NOS1AP: variants seen among roughly 807,000 people sequenced by gnomAD.
NOS1AP encodes the protein carboxyl-terminal PDZ ligand of neuronal nitric oxide synthase protein.
NOS1AP carries 21 observed loss-of-function variants against 56.2 expected under a neutral mutation model. The observed-to-expected ratio is 0.37, with a 90% CI of 0.26 to 0.54. NOS1AP has a LOEUF of 0.54. Among genes scored for constraint, NOS1AP ranks in the 20% least tolerant of loss-of-function variants. NOS1AP has a pLI of 0.84. For missense variants in NOS1AP, 522 were observed against 657.8 expected (o/e 0.79, Z 2.26); for synonymous variants, 270 against 274.6 (o/e 0.98, Z 0.17).
chr1:162,346,535 A>G lies in NOS1AP; in HGVS notation c.595+2559A>G, dbSNP rs538572703. ...TGTGTGTATATGTAGGTATATATGTATACACATGCATGCACACACACACAT... is the reference window on the plus strand; with the variant it reads ...TGTGTGTATATGTAGGTATATATGTGTACACATGCATGCACACACACACAT... On this transcript the variant is annotated intron_variant, in intron 6 of 9. Transcript: ENST00000361897. Among the ~76,000 whole-genome samples the G allele has an allele frequency of 2.0e-4, 30 of 152,356 alleles. No individual in the cohort carries two copies. The South Asian group carries it at 6.2e-3, about 32-fold the overall frequency.
At chr1:162,360,854 T>C (rs1234240049) in intron 8 of NOS1AP, 4 of 456,574 alleles carry the variant, frequency 8.8e-6, no homozygotes, top group African/African-American at 8.0e-5. Context: ...CACTGCCATT[T>C]CCATGTGCCT....
intron 2 of NOS1AP, among the ~76,000 whole-genome samples, chr1:162,247,656 G>A (rs754202813): frequency 5.3e-5 from 8 of 152,030 alleles, no homozygotes; most frequent in Non-Finnish European, 7.4e-5. Flanking sequence ...CATGTATCAG[G>A]CTTGAAAACT....
At chr1:162,264,474 C>CTCTCCTCTCCTCT (rs1557855390) in intron 2 of NOS1AP, among the ~76,000 whole-genome samples, 42 of 3,670 alleles carry the variant, frequency 0.011, no homozygotes, top group South Asian at 0.015. Context: ...TCCTCCCCTC[C>CTCTCCTCTCCTCT]CCTCCCCTCC....
At chr1:162,317,501 G>A (rs565419172) in intron 4 of NOS1AP, among the ~76,000 whole-genome samples, 2 of 152,094 alleles carry the variant, frequency 1.3e-5, no homozygotes, top group Non-Finnish European at 2.9e-5. Flanking sequence ...AAACCCCAAG[G>A]AAACAATTTA....
intron 9 of NOS1AP, among the ~76,000 whole-genome samples, chr1:162,365,876 C>G (rs1238696912): frequency 6.6e-6 from 1 of 152,108 alleles, no homozygotes; most frequent in African/African-American, 2.4e-5. Flanking sequence ...TCTAGGGCAG[C>G]CCATTTCTTT....
rs140766238 is a variant in NOS1AP, at chr1:162,332,032, G to A, written c.345-985G>A. ...TCATCTCACGTAGAATATAAGCCAC[G>A]ACCTTCAAAGCCTTCTACATTTTGG... On this transcript the variant is annotated intron_variant, in intron 4 of 9. Transcript: ENST00000361897. Among the ~76,000 whole-genome samples the A allele has an allele frequency of 1.2e-4, 18 of 152,306 alleles. No homozygotes were observed. The East Asian group carries it at 3.1e-3, about 26-fold the overall frequency.
At chr1:162,216,166 C>T (rs1652562309) in intron 2 of NOS1AP, among the ~76,000 whole-genome samples, 1 of 152,238 alleles carries the variant, frequency 6.6e-6, no homozygotes, top group Non-Finnish European at 1.5e-5. Flanking sequence ...TTTGCCTTCT[C>T]AGGTTGCTTT....
At chr1:162,197,400 A>G (rs1651844554) in intron 2 of NOS1AP, among the ~76,000 whole-genome samples, 2 of 152,114 alleles carry the variant, frequency 1.3e-5, no homozygotes, top group Admixed American at 1.3e-4. Context: ...CCGAGCCAGG[A>G]TTATAGAACA....
At position 162,200,558 on chromosome 1, in the gene NOS1AP, G is replaced by A. The variant is rs1459482021; in HGVS notation, c.177+46082G>A. On this transcript the variant is annotated intron_variant, in intron 2 of 9. Transcript: ENST00000361897. ...GAGGATTATCTCCAGAGAGCGTTGA[G>A]ACTCAGGACTTCTGTTGCAGTCTCC... Among the ~76,000 whole-genome samples the A allele has an allele frequency of 2.6e-5, 4 of 152,200 alleles. No homozygotes were observed. In the East Asian group the frequency reaches 7.7e-4, roughly 29 times the overall value.
intron 1 of NOS1AP, among the ~76,000 whole-genome samples, chr1:162,073,073 C>A (rs1265124060): frequency 2.0e-5 from 3 of 152,168 alleles, no homozygotes; most frequent in African/African-American, 4.8e-5. Context: ...GATCGAAGGG[C>A]ATCTGGGTGG....
At chr1:162,247,063 G>A (rs1359197753) in intron 2 of NOS1AP, among the ~76,000 whole-genome samples, 2 of 152,146 alleles carry the variant, frequency 1.3e-5, no homozygotes, top group Admixed American at 6.5e-5. Flanking sequence ...CCTTTTGATT[G>A]TCTGGCTTTG....
chr1:162,096,039 T>G (rs1009234806), intron 1 of NOS1AP, among the ~76,000 whole-genome samples: 1 of 152,332 alleles, frequency 6.6e-6, no homozygotes, highest in Non-Finnish European at 1.5e-5. Flanking sequence ...ATTCTTAATT[T>G]TGTTACTGTT....
intron 1 of NOS1AP, among the ~76,000 whole-genome samples, chr1:162,081,544 C>CT (rs111534489): frequency 0.067 from 9,219 of 136,702 alleles, 828 homozygotes; most frequent in African/African-American, 0.21. Flanking sequence ...CCTTTCCCAG[C>CT]TTTTTTTTTT....
At chr1:162,217,342 C>G (rs560612791) in intron 2 of NOS1AP, among the ~76,000 whole-genome samples, 21 of 141,982 alleles carry the variant, frequency 1.5e-4, no homozygotes, top group Admixed American at 6.0e-4. Flanking sequence ...CGGCTCACTG[C>G]CACCTCTGCC....
At chr1:162,072,757 A>G (rs778711545) in intron 1 of NOS1AP, among the ~76,000 whole-genome samples, 2 of 152,216 alleles carry the variant, frequency 1.3e-5, no homozygotes, top group Non-Finnish European at 2.9e-5. Context: ...TCTGTCCTAC[A>G]TGCTCCTGGT....
At chr1:162,233,642 T>C (rs1252018332) in intron 2 of NOS1AP, among the ~76,000 whole-genome samples, 1 of 152,194 alleles carries the variant, frequency 6.6e-6, no homozygotes, top group African/African-American at 2.4e-5. Context: ...TTAGAAACAC[T>C]TGATGAACTT....
chr1:162,332,976 A>C, intron 4 of NOS1AP, 41 bp from the exon 5 acceptor site: 3 of 1,397,244 alleles, frequency 2.1e-6, no homozygotes, highest in Non-Finnish European at 3.1e-6. Flanking sequence ...ATTTGAACCT[A>C]AGGCCATTTT....
rs1034282161 is a variant in NOS1AP, at chr1:162,204,507, G to T, written c.177+50031G>T. 4.6e-5 allele frequency among the ~76,000 whole-genome samples: 7 copies of T among 152,296 alleles called. No homozygotes were observed. The South Asian group carries it at 8.3e-4, about 18-fold the overall frequency. On this transcript the variant is annotated intron_variant, in intron 2 of 9. Transcript: ENST00000361897. ...CCTCACCTTGCTGCCTAAGTGCAGC[G>T]AATGGCCAGCCAGTGTCAGAGTGGT...
chr1:162,179,714 G>T (rs2102143800), intron 2 of NOS1AP, among the ~76,000 whole-genome samples: 1 of 152,328 alleles, frequency 6.6e-6, no homozygotes, highest in East Asian at 1.9e-4. Flanking sequence ...GGACCTAGAG[G>T]TGAGAGAGCA....
Sources: gnomAD v4.1 joint callset for allele counts (sites outside exome capture counted in the v4.1 genomes callset) on GRCh38, gnomAD v4.1.1 for gene constraint, MANE v1.5 for transcripts, NCBI Gene and HGNC (gene_info 2026-07-23, HGNC 2026-07-21) for gene names.